Variants in NKAIN2 observed in about 807,000 individuals in gnomAD.
The protein encoded by NKAIN2 is sodium/potassium transporting ATPase interacting 2, also known as sodium/potassium-transporting ATPase subunit beta-1-interacting protein 2.
NKAIN2 carries 14 observed loss-of-function variants against 32.6 expected under a neutral mutation model. The ratio of observed to expected loss-of-function variants is 0.43; its 90% CI spans 0.28 to 0.67. The LOEUF (loss-of-function observed/expected upper bound fraction) is 0.67, where lower values mean the gene tolerates loss of function less well. NKAIN2 is among the 30% of genes least tolerant of loss of function. NKAIN2 has a pLI of 0.17. For missense variants in NKAIN2, 198 were observed against 258.3 expected (o/e 0.77, Z 1.60); for synonymous variants, 80 against 87.2 (o/e 0.92, Z 0.46).
chr6:124,790,216 G>A (rs1191529313), intron 4 of NKAIN2, among the ~76,000 whole-genome samples: 1 of 152,034 alleles, frequency 6.6e-6, no homozygotes, highest in South Asian at 2.1e-4. Context: ...TCTCCTAACA[G>A]TTCTGTGCTC....
At chr6:124,695,574 T>A (rs1261148682) in intron 4 of NKAIN2, among the ~76,000 whole-genome samples, 1 of 152,200 alleles carries the variant, frequency 6.6e-6, no homozygotes, top group Non-Finnish European at 1.5e-5. Flanking sequence ...GTAACCAAAT[T>A]TTAAGCCATG....
intron 1 of NKAIN2, among the ~76,000 whole-genome samples, chr6:123,879,563 C>G (rs927865430): frequency 6.6e-6 from 1 of 152,146 alleles, no homozygotes; most frequent in Non-Finnish European, 1.5e-5. Flanking sequence ...GTTCTTTCTA[C>G]CTTGTCTTTC....
chr6:124,727,525 C>G (rs1776392244), intron 4 of NKAIN2, among the ~76,000 whole-genome samples: 1 of 151,414 alleles, frequency 6.6e-6, no homozygotes, highest in African/African-American at 2.4e-5. Flanking sequence ...TTTGTCACCA[C>G]CAGGCCTGCC....
At chr6:124,736,175 T>A (rs2114676948) in intron 4 of NKAIN2, among the ~76,000 whole-genome samples, 1 of 152,012 alleles carries the variant, frequency 6.6e-6, no homozygotes, top group Middle Eastern at 3.4e-3. Context: ...TATTGAGTGG[T>A]CAGGATAGAT....
chr6:124,665,417 T>G (rs1347457960), intron 4 of NKAIN2, among the ~76,000 whole-genome samples: 1 of 152,176 alleles, frequency 6.6e-6, no homozygotes, highest in African/African-American at 2.4e-5. Context: ...ATATCAAGCA[T>G]CAATTCCAAA....
intron 1 of NKAIN2, among the ~76,000 whole-genome samples, chr6:124,240,017 A>G (rs556931221): frequency 1.3e-5 from 2 of 152,326 alleles, no homozygotes; most frequent in East Asian, 3.9e-4. Flanking sequence ...TAAAGAAGAA[A>G]AGAAAGAAGA....
chr6:124,708,470 A>G (rs995480319), intron 4 of NKAIN2, among the ~76,000 whole-genome samples: 4 of 152,138 alleles, frequency 2.6e-5, no homozygotes, highest in African/African-American at 7.2e-5. Context: ...CTTCCTACCC[A>G]TGAGCATGGA....
chr6:124,150,694 G>C (rs1787671292), intron 1 of NKAIN2, among the ~76,000 whole-genome samples: 1 of 152,066 alleles, frequency 6.6e-6, no homozygotes, highest in South Asian at 2.1e-4. Flanking sequence ...TATCTGTAAT[G>C]TCGGTCCCTA....
Position 124,587,288 on chromosome 6 carries a change from G to T in NKAIN2, c.274-70898G>T, listed in dbSNP as rs1562271054. On this transcript the variant is annotated intron_variant, in intron 3 of 6. Coordinates refer to ENST00000368417, the MANE Select transcript of NKAIN2 (RefSeq NM_001040214.3). Reference sequence around the variant, plus strand: ...CTGTGTCTCCCAGGCTGGAGTGCAGGGTGCTATCTCGGCTCAATGCAACCT... The same window carrying T: ...CTGTGTCTCCCAGGCTGGAGTGCAGTGTGCTATCTCGGCTCAATGCAACCT... Among the ~76,000 whole-genome samples, 4 of 152,002 alleles carry T rather than the reference G, an allele frequency of 2.6e-5. No individual in the cohort carries two copies. In the South Asian group the frequency reaches 8.3e-4, roughly 32 times the overall value.
intron 1 of NKAIN2, among the ~76,000 whole-genome samples, chr6:123,875,025 T>A (rs1223236475): frequency 6.6e-6 from 1 of 152,074 alleles, no homozygotes; most frequent in Non-Finnish European, 1.5e-5. Context: ...TATACGACTT[T>A]TCCATATTAT....
At chr6:123,990,128 A>G (rs969680805) in intron 1 of NKAIN2, among the ~76,000 whole-genome samples, 9 of 152,116 alleles carry the variant, frequency 5.9e-5, no homozygotes, top group African/African-American at 2.2e-4. Flanking sequence ...AAACCATCGG[A>G]TCTTGTGAGA....
At chr6:124,410,065 C>G (rs1339532052) in intron 3 of NKAIN2, among the ~76,000 whole-genome samples, 2 of 152,056 alleles carry the variant, frequency 1.3e-5, no homozygotes, top group Non-Finnish European at 2.9e-5. Context: ...TTTATTGTGT[C>G]TATCTGATTC....
rs539619089 is a variant in NKAIN2, at chr6:124,007,037, A to G, written c.54+202783A>G. On this transcript the variant is annotated intron_variant, in intron 1 of 6. Coordinates refer to ENST00000368417, the MANE Select transcript of NKAIN2 (RefSeq NM_001040214.3). ...TTTTGTCATTGTGCAAACATCATAC[A>G]GTGTACTTACAAAAACCTCAATGGA... Among the ~76,000 whole-genome samples, 639 of 152,288 alleles carry G rather than the reference A, an allele frequency of 4.2e-3. 8 individuals carry two copies. The highest frequency in any genetic ancestry group is 0.014 in the African/African-American group (596 of 41,564).
intron 3 of NKAIN2, among the ~76,000 whole-genome samples, chr6:124,629,549 T>G (rs971108147): frequency 6.6e-6 from 1 of 152,198 alleles, no homozygotes; most frequent in African/African-American, 2.4e-5. Flanking sequence ...TATTGTTGTC[T>G]CTTTACGTTG....
At chr6:124,157,128 A>AAAT (rs1788027017) in intron 1 of NKAIN2, among the ~76,000 whole-genome samples, 1 of 145,016 alleles carries the variant, frequency 6.9e-6, no homozygotes, top group Non-Finnish European at 1.5e-5. Context: ...AAAAAAAAAA[A>AAAT]GGTGACCTAA....
intron 3 of NKAIN2, among the ~76,000 whole-genome samples, chr6:124,623,493 C>T (rs905996839): frequency 6.6e-6 from 1 of 152,152 alleles, no homozygotes; most frequent in African/African-American, 2.4e-5. Flanking sequence ...CATAGTTCCA[C>T]AGATCTTAAA....
chr6:124,274,157 CA>C (rs889597950), intron 1 of NKAIN2, among the ~76,000 whole-genome samples: 2 of 152,126 alleles, frequency 1.3e-5, no homozygotes, highest in African/African-American at 4.8e-5. Context: ...TGTGCCTCTG[CA>C]GTATTATTAT....
chr6:123,911,807 A>ATATATATGTGTATATATATATATATGTG (rs1473572416), intron 1 of NKAIN2, among the ~76,000 whole-genome samples: 7 of 103,734 alleles, frequency 6.7e-5, no homozygotes, highest in African/African-American at 3.1e-4. Flanking sequence ...ATATGTATAT[A>ATATATATGTGTATATATATATATATGTG]TATATACACA....
At chr6:123,920,358 T>C (rs1775695259) in intron 1 of NKAIN2, among the ~76,000 whole-genome samples, 4 of 152,140 alleles carry the variant, frequency 2.6e-5, no homozygotes, top group Admixed American at 2.6e-4. Flanking sequence ...GCACACTCCT[T>C]TATGCCTGGA....
Sources: gnomAD v4.1 joint callset for allele counts (sites outside exome capture counted in the v4.1 genomes callset) on GRCh38, gnomAD v4.1.1 for gene constraint, MANE v1.5 for transcripts, NCBI Gene and HGNC (gene_info 2026-07-23, HGNC 2026-07-21) for gene names.